Variants in DLG2 observed in about 807,000 individuals in gnomAD.
DLG2 encodes discs large MAGUK scaffold protein 2.
DLG2 carries 45 observed loss-of-function variants against 132.5 expected under a neutral mutation model. The ratio of observed to expected loss-of-function variants is 0.34; its 90% CI spans 0.27 to 0.44. The LOEUF is 0.44. Ranked by LOEUF, DLG2 falls within the 20% of genes least tolerant of loss-of-function variation. DLG2 has a pLI of 1.00. For missense variants in DLG2, 1,045 were observed against 1,196.9 expected, an observed-to-expected ratio of 0.87 and a Z score of 1.87; for synonymous variants, 424 against 419.6, an observed-to-expected ratio of 1.01 and a Z score of -0.13.
intron 6 of DLG2, among the ~76,000 whole-genome samples, chr11:84,956,107 G>A (rs1402782844): frequency 6.6e-6 from 1 of 152,142 alleles, no homozygotes; most frequent in East Asian, 1.9e-4. Flanking sequence ...AATCCCGCCT[G>A]TCTCCATTTA....
At chr11:84,921,325 T>G (rs752068829) in intron 6 of DLG2, among the ~76,000 whole-genome samples, 13 of 152,116 alleles carry the variant, frequency 8.5e-5, no homozygotes, top group Non-Finnish European at 1.6e-4. Context: ...CAAAGGAAGG[T>G]TATATATGCT....
chr11:84,238,869 G>A (rs1021526816), intron 8 of DLG2, among the ~76,000 whole-genome samples: 3 of 151,806 alleles, frequency 2.0e-5, no homozygotes, highest in African/African-American at 7.3e-5. Context: ...ATATATATTT[G>A]AGAAAGAAAA....
intron 3 of DLG2, among the ~76,000 whole-genome samples, chr11:85,435,445 A>T (rs2091426470): frequency 6.6e-6 from 1 of 152,218 alleles, no homozygotes; most frequent in African/African-American, 2.4e-5. Context: ...CCTTAAGCTG[A>T]TAAGCAACTT....
chr11:83,529,837 T>A (rs1244273730), intron 21 of DLG2, among the ~76,000 whole-genome samples: 1 of 152,116 alleles, frequency 6.6e-6, no homozygotes, highest in Non-Finnish European at 1.5e-5. Flanking sequence ...TTTCTTTCAA[T>A]AGCGAAGTCC....
intron 6 of DLG2, among the ~76,000 whole-genome samples, chr11:85,077,834 T>C (rs190588274): frequency 1.5e-3 from 223 of 152,114 alleles, no homozygotes; most frequent in African/African-American, 5.3e-3. Context: ...TTTAGAGGGA[T>C]AGTCTCCATT....
At chr11:85,267,045 T>C (rs765008372) in intron 4 of DLG2, among the ~76,000 whole-genome samples, 1 of 152,250 alleles carries the variant, frequency 6.6e-6, no homozygotes, top group Non-Finnish European at 1.5e-5. Flanking sequence ...GATTTTGCTA[T>C]GGACTGGATG....
At chr11:85,604,156 T>A (rs1485580803) in intron 2 of DLG2, among the ~76,000 whole-genome samples, 1 of 152,216 alleles carries the variant, frequency 6.6e-6, no homozygotes, top group Admixed American at 6.5e-5. Context: ...CTCTCATCGC[T>A]GTAGGATAAA....
At chr11:83,577,482 T>C (rs2096891645) in intron 19 of DLG2, among the ~76,000 whole-genome samples, 1 of 129,278 alleles carries the variant, frequency 7.7e-6, no homozygotes, top group South Asian at 2.2e-4. Context: ...AAATAGGATA[T>C]ATTATATATA....
chr11:85,049,897 C>T (rs1452046161), intron 6 of DLG2, among the ~76,000 whole-genome samples: 3 of 152,082 alleles, frequency 2.0e-5, no homozygotes, highest in African/African-American at 4.8e-5. Flanking sequence ...GTCATTAATT[C>T]GCTAATATCT....
chr11:83,551,500 G>A (rs1309656900), intron 19 of DLG2, among the ~76,000 whole-genome samples: 2 of 152,144 alleles, frequency 1.3e-5, no homozygotes, highest in East Asian at 3.9e-4. Flanking sequence ...TACCATCATA[G>A]CAGCTCATCA....
At chr11:83,592,779 A>G (rs1225916) in intron 19 of DLG2, among the ~76,000 whole-genome samples, 67,444 of 141,498 alleles carry the variant, frequency 0.48, 16,741 homozygotes, top group African/African-American at 0.63. Flanking sequence ...TCTACAATGA[A>G]CTCAAACAAA....
chr11:85,321,083 A>C (rs1004409812), intron 3 of DLG2, among the ~76,000 whole-genome samples: 50 of 152,082 alleles, frequency 3.3e-4, no homozygotes, highest in African/African-American at 1.2e-3. Flanking sequence ...TGAGCACTCT[A>C]GGTAAGAGAT....
At chr11:85,290,688 G>A (rs1261377753) in intron 3 of DLG2, among the ~76,000 whole-genome samples, 1 of 152,010 alleles carries the variant, frequency 6.6e-6, no homozygotes, top group Non-Finnish European at 1.5e-5. Context: ...GAACTTAGTT[G>A]AAAGAAGCTG....
intron 6 of DLG2, among the ~76,000 whole-genome samples, chr11:84,914,325 T>C (rs1339141486): frequency 6.6e-6 from 1 of 152,198 alleles, no homozygotes; most frequent in Admixed American, 6.5e-5. Flanking sequence ...TTTATTTTAT[T>C]GTCTACTTTT....
chr11:83,924,096 C>T (rs1361723472), intron 15 of DLG2, among the ~76,000 whole-genome samples: 1 of 151,972 alleles, frequency 6.6e-6, no homozygotes, highest in African/African-American at 2.4e-5. Flanking sequence ...GAACACATCT[C>T]TTCCCTAATC....
intron 11 of DLG2, among the ~76,000 whole-genome samples, chr11:84,041,696 G>T (rs2096085444): frequency 6.6e-6 from 1 of 151,764 alleles, no homozygotes; most frequent in African/African-American, 2.4e-5. Context: ...CTTTATAGTT[G>T]TACGCTTTCA....
intron 3 of DLG2, among the ~76,000 whole-genome samples, chr11:85,407,165 C>A (rs1411289573): frequency 6.6e-6 from 1 of 151,740 alleles, no homozygotes; most frequent in East Asian, 1.9e-4. Flanking sequence ...GGGACCAAAT[C>A]ATGTATGATG....
chr11:84,086,672 C>T (rs983359636), intron 10 of DLG2, among the ~76,000 whole-genome samples: 3 of 151,544 alleles, frequency 2.0e-5, no homozygotes, highest in African/African-American at 7.3e-5. Context: ...GTATTTTTTG[C>T]AGAGATGAGG....
At chr11:84,645,710 G>T (rs1190101835) in intron 6 of DLG2, among the ~76,000 whole-genome samples, 1 of 152,084 alleles carries the variant, frequency 6.6e-6, no homozygotes, top group Non-Finnish European at 1.5e-5. Flanking sequence ...CTCGTGATCC[G>T]CCAGCCTCAG....
Sources: allele counts gnomAD v4.1 joint callset (sites outside exome capture counted in the v4.1 genomes callset), GRCh38; gene constraint gnomAD v4.1.1; transcripts MANE v1.5; gene names NCBI Gene and HGNC (gene_info 2026-07-23, HGNC 2026-07-21).